The following IFT56 variants were observed in gnomAD, a reference collection of about 807,000 sequenced individuals.
The protein encoded by IFT56 is intraflagellar transport 56, also known as intraflagellar transport protein 56.
chr7:139,150,299 A>G, the IFT56 span, among the ~76,000 whole-genome samples: 5 of 152,222 alleles, frequency 3.3e-5, no homozygotes, highest in Non-Finnish European at 7.3e-5. Context: ...GTTAGTAAGA[A>G]CAAATAAATG....
chr7:139,170,484 A>G, the IFT56 span, among the ~76,000 whole-genome samples: 2 of 152,212 alleles, frequency 1.3e-5, no homozygotes, highest in African/African-American at 4.8e-5. Flanking sequence ...GAATTCAACA[A>G]CACATTAAAA....
At chr7:139,153,047 G>C in the IFT56 span, among the ~76,000 whole-genome samples, 2 of 151,962 alleles carry the variant, frequency 1.3e-5, no homozygotes, top group Non-Finnish European at 2.9e-5. Context: ...TACTTGGGAG[G>C]CTGAGGCAGG....
chr7:139,181,645 T>G, the IFT56 span, among the ~76,000 whole-genome samples: 1 of 152,250 alleles, frequency 6.6e-6, no homozygotes, highest in East Asian at 1.9e-4. Context: ...AACATCAGAG[T>G]GTACTTACAC....
the IFT56 span, chr7:139,142,417 T>G: frequency 1.0e-6 from 1 of 966,274 alleles, no homozygotes; most frequent in Non-Finnish European, 1.6e-6. Flanking sequence ...TGTTAATGGT[T>G]TTCTAGAACA....
the IFT56 span, among the ~76,000 whole-genome samples, chr7:139,151,015 A>G: frequency 1.5e-4 from 23 of 152,324 alleles, no homozygotes; most frequent in East Asian, 3.7e-3. Flanking sequence ...GTGTCTTTTG[A>G]CATTTGTGTC....
At chr7:139,168,580 A>C in the IFT56 span, 69 of 585,730 alleles carry the variant, frequency 1.2e-4, no homozygotes, top group South Asian at 2.8e-4. Flanking sequence ...AAAAAAAAAA[A>C]ACAAAAAAAA....
chr7:139,178,793 G>A, the IFT56 span, among the ~76,000 whole-genome samples: 1 of 152,080 alleles, frequency 6.6e-6, no homozygotes, highest in Admixed American at 6.5e-5. Context: ...GGCTGAGGCA[G>A]GACAATGGCT....
chr7:139,168,503 C>G, the IFT56 span: 4 of 768,154 alleles, frequency 5.2e-6, no homozygotes, highest in Admixed American at 3.9e-5. Flanking sequence ...TCCTGTAGCT[C>G]CTTTTATTTC....
chr7:139,160,887 A>G, the IFT56 span: 2 of 1,221,086 alleles, frequency 1.6e-6, no homozygotes, highest in Non-Finnish European at 2.4e-6. Context: ...CATTGTGTCA[A>G]TATGTGGTAT....
the IFT56 span, among the ~76,000 whole-genome samples, chr7:139,137,110 A>G: frequency 6.6e-6 from 1 of 152,128 alleles, no homozygotes; most frequent in Non-Finnish European, 1.5e-5. Flanking sequence ...TTGGCTCACT[A>G]TTTGATTTAT....
At chr7:139,134,563 C>T in the IFT56 span, 9 of 1,407,470 alleles carry the variant, frequency 6.4e-6, no homozygotes, top group South Asian at 3.1e-5. Flanking sequence ...CCACTGTGCC[C>T]GGCCTTGACT....
the IFT56 span, chr7:139,169,274 C>T: frequency 6.2e-7 from 1 of 1,611,682 alleles, no homozygotes; most frequent in African/African-American, 1.3e-5. Context: ...TATATCAGCT[C>T]AGTTTGTTTT....
the IFT56 span, chr7:139,147,154 G>A: frequency 1.2e-6 from 2 of 1,612,068 alleles, no homozygotes; most frequent in Non-Finnish European, 1.7e-6. Flanking sequence ...GTTTAATGAT[G>A]AGAAAAAATT....
the IFT56 span, among the ~76,000 whole-genome samples, chr7:139,183,219 A>T: frequency 8.4e-4 from 128 of 152,154 alleles, no homozygotes; most frequent in African/African-American, 2.6e-3. Context: ...TCAAAGGAAG[A>T]TAACTACTTG....
chr7:139,178,674 T>C, the IFT56 span: 439 of 1,325,266 alleles, frequency 3.3e-4, 1 homozygote, highest in Admixed American at 8.8e-4. Context: ...TGGAATAAAA[T>C]GGTCAAGGGT....
the IFT56 span, among the ~76,000 whole-genome samples, chr7:139,154,423 G>C: frequency 4.0e-5 from 6 of 150,222 alleles, no homozygotes; most frequent in East Asian, 9.7e-4. Flanking sequence ...GCCAAGTCCA[G>C]AGTCATGAAG....
chr7:139,177,643 A>C, the IFT56 span, among the ~76,000 whole-genome samples: 10 of 138,214 alleles, frequency 7.2e-5, no homozygotes, highest in African/African-American at 3.0e-4. Context: ...TATATATCTC[A>C]AATGTACATA....
chr7:139,149,127 A>G, the IFT56 span, among the ~76,000 whole-genome samples: 1 of 151,154 alleles, frequency 6.6e-6, no homozygotes, highest in Admixed American at 6.6e-5. Context: ...AACACAGTGA[A>G]ACTCCATCTC....
the IFT56 span, among the ~76,000 whole-genome samples, chr7:139,136,331 T>C: frequency 1.3e-5 from 2 of 152,242 alleles, no homozygotes; most frequent in Non-Finnish European, 2.9e-5. Context: ...AAGAACCTTC[T>C]AGTTCTGTGA....
Sources: allele counts gnomAD v4.1 joint callset (sites outside exome capture counted in the v4.1 genomes callset), GRCh38; gene constraint gnomAD v4.1.1; transcripts MANE v1.5; gene names NCBI Gene and HGNC (gene_info 2026-07-23, HGNC 2026-07-21).